Variants in EPS15L1 observed in about 807,000 individuals in gnomAD.
EPS15L1 encodes epidermal growth factor receptor substrate 15-like 1.
Under a neutral mutation model 117.1 loss-of-function variants are expected in EPS15L1, and 43 were observed. The ratio of observed to expected loss-of-function variants is 0.37; its 90% CI spans 0.29 to 0.47. EPS15L1 has a LOEUF of 0.47. Ranked by LOEUF, EPS15L1 falls within the 20% of genes least tolerant of loss-of-function variation. The pLI is 0.99. For missense variants in EPS15L1, 981 were observed against 1,164.0 expected, an observed-to-expected ratio of 0.84 and a Z score of 2.29; for synonymous variants, 459 against 470.5, an observed-to-expected ratio of 0.98 and a Z score of 0.32.
intron 7 of EPS15L1, 31 bp from the exon 8 acceptor site, chr19:16,428,792 TG>T: frequency 6.3e-7 from 1 of 1,581,976 alleles, no homozygotes; most frequent in Non-Finnish European, 8.6e-7. Context: ...TGGGTAACTG[TG>T]GGAGGAAGGA....
chr19:16,436,473 C>CA (rs1340419805), intron 6 of EPS15L1: 1 of 153,386 alleles, frequency 6.5e-6, no homozygotes, highest in Non-Finnish European at 1.4e-5. Flanking sequence ...TTTCACAAAG[C>CA]AATCAGAACA....
At chr19:16,378,271 C>T (rs778723988) in intron 21 of EPS15L1, among the ~76,000 whole-genome samples, 8 of 152,034 alleles carry the variant, frequency 5.3e-5, no homozygotes, top group African/African-American at 7.3e-5. Flanking sequence ...GGGACTTCAT[C>T]GCTGCCCCAG....
At chr19:16,387,741 G>A (rs750639855) in intron 19 of EPS15L1, among the ~76,000 whole-genome samples, 5 of 152,172 alleles carry the variant, frequency 3.3e-5, no homozygotes, top group Non-Finnish European at 4.4e-5. Flanking sequence ...ACTCCAGCCT[G>A]GGCGAAAGAG....
chr19:16,364,744 G>C lies in EPS15L1; in HGVS notation c.2381-2760C>G, dbSNP rs562083545. ...CTGCCCAGCCTCCTGTGAGCCCCAG[G>C]CTGTCCACTGGAGCAGAAGGGGCTC... On this transcript the variant is annotated intron_variant, in intron 22 of 23. Transcript: ENST00000455140. Among the ~76,000 whole-genome samples, 6 of 152,280 alleles carry C rather than the reference G, an allele frequency of 3.9e-5. No homozygotes were observed. The South Asian group carries it at 1.2e-3, about 32-fold the overall frequency.
chr19:16,377,370 A>C, intron 21 of EPS15L1, 116 bp from the exon 22 acceptor site: 1 of 1,169,582 alleles, frequency 8.6e-7, no homozygotes, highest in Non-Finnish European at 1.2e-6. Flanking sequence ...TACCCTCTGG[A>C]CTGCACAACA....
chr19:16,430,172 T>A (rs2092913749), intron 7 of EPS15L1, among the ~76,000 whole-genome samples: 1 of 152,184 alleles, frequency 6.6e-6, no homozygotes. Flanking sequence ...CAGGGGCACC[T>A]CTTCTAGAAA....
chr19:16,441,776 GCCACTA>G (rs915134568), intron 3 of EPS15L1, 110 bp downstream of exon 3: 14 of 744,674 alleles, frequency 1.9e-5, no homozygotes, highest in Admixed American at 1.0e-4. Context: ...CAGCGACCAG[GCCACTA>G]CCCAGGAGGC....
intron 16 of EPS15L1, among the ~76,000 whole-genome samples, chr19:16,395,942 CAAA>C (rs776880434): frequency 1.9e-5 from 1 of 53,410 alleles, no homozygotes; most frequent in Non-Finnish European, 3.8e-5. Context: ...GAGTCTATCT[CAAA>C]AAAAAAAAAA....
At chr19:16,369,220 A>G (rs2092186010) in intron 22 of EPS15L1, among the ~76,000 whole-genome samples, 1 of 151,908 alleles carries the variant, frequency 6.6e-6, no homozygotes, top group Non-Finnish European at 1.5e-5. Flanking sequence ...CCCCGCGCGC[A>G]CTCTGCCTTA....
At chr19:16,414,621 G>T (rs1051882030) in intron 12 of EPS15L1, among the ~76,000 whole-genome samples, 6 of 151,684 alleles carry the variant, frequency 4.0e-5, no homozygotes, top group Non-Finnish European at 7.4e-5. Flanking sequence ...GGATAGTCTT[G>T]ATCTCCTGAC....
At chr19:16,423,251 T>C (rs1392885419) in intron 9 of EPS15L1, among the ~76,000 whole-genome samples, 1 of 152,084 alleles carries the variant, frequency 6.6e-6, no homozygotes, top group African/African-American at 2.4e-5. Flanking sequence ...CAGCAAGGAC[T>C]TGATCAAACA....
chr19:16,404,624 G>A lies in EPS15L1; in HGVS notation c.1392C>T (p.Ser464=), dbSNP rs150833446. The A allele has an allele frequency of 2.0e-5, 33 of 1,614,112 alleles. No individual in the cohort carries two copies. Among genetic ancestry groups the A allele is most frequent in the African/African-American group, 4.0e-5 (3 of 75,032 alleles). The change falls in exon 14 of 24, where the codon AGC becomes AGT. Residue 464 remains serine (S), a synonymous_variant. Coordinates refer to ENST00000455140, the MANE Select transcript of EPS15L1 (RefSeq NM_001258374.3). The surrounding 1 kb of genome is among the most constrained non-coding windows in gnomAD (Gnocchi z 4.2). The part of the protein sequence containing the change: ...QQKAKLRDML[S]DVRQKCQDET... ...CATCCTGGCACTTCTGCCGGACGTC[G>A]CTCAGCATGTCTCGGAGCTTGGCCT...
intron 21 of EPS15L1, 120 bp from the exon 22 acceptor site, chr19:16,377,374 C>T (rs2092309697): frequency 9.0e-7 from 1 of 1,108,066 alleles, no homozygotes. Flanking sequence ...CTCTGGACTG[C>T]ACAACATGGC....
At chr19:16,420,918 C>T (rs1031830770) in intron 10 of EPS15L1, among the ~76,000 whole-genome samples, 3 of 151,816 alleles carry the variant, frequency 2.0e-5, no homozygotes, top group African/African-American at 7.3e-5. Flanking sequence ...CCTGCCCCCG[C>T]CCTCACCCTG....
chr19:16,437,051 G>A, intron 5 of EPS15L1, 52 bp from the exon 6 acceptor site: 1 of 1,528,004 alleles, frequency 6.5e-7, no homozygotes, highest in Non-Finnish European at 9.1e-7. Context: ...TTAAATCATA[G>A]GTGGGTGGGT....
chr19:16,413,071 C>A, intron 13 of EPS15L1: 1 of 702,546 alleles, frequency 1.4e-6, no homozygotes, highest in South Asian at 1.4e-5. Context: ...AGGTTCAAGG[C>A]GTTTGTTGCT....
Position 16,355,585 on chromosome 19 carries a change from C to G in EPS15L1, c.*120G>C. ...GCCGAGTCTGCTCACCCTGAACAAG[C>G]CCCCGAGTCCCGGTCCTTGGAGTAC... On this transcript the variant is annotated 3_prime_UTR_variant, in exon 24 of 24. Transcript: ENST00000455140. 1.6e-6 allele frequency: 2 copies of G among 1,285,626 alleles called. No individual in the cohort carries two copies. Among genetic ancestry groups the G allele is most frequent in the Non-Finnish European group, 2.1e-6 (2 of 951,840 alleles). The allele number at this position is 1,285,626 out of a possible 1,614,324, so 79.6% of individuals were successfully genotyped here. A position where few individuals can be genotyped will look rare whatever the true frequency, so the allele number is the denominator to read the frequency against.
intron 1 of EPS15L1, among the ~76,000 whole-genome samples, chr19:16,466,011 C>T (rs1159923394): frequency 7.5e-6 from 1 of 132,974 alleles, no homozygotes; most frequent in Non-Finnish European, 1.6e-5. Flanking sequence ...TTTTTTGAGA[C>T]AGAGTCTTGC....
intron 21 of EPS15L1, among the ~76,000 whole-genome samples, chr19:16,377,545 G>A (rs2092311705): frequency 6.6e-6 from 1 of 152,186 alleles, no homozygotes; most frequent in Admixed American, 6.5e-5. Flanking sequence ...CCAGTCACAC[G>A]AGGCACACTG....
Sources: allele counts gnomAD v4.1 joint callset (sites outside exome capture counted in the v4.1 genomes callset), GRCh38; gene constraint gnomAD v4.1.1; non-coding constraint Gnocchi (gnomAD v3.1); transcripts MANE v1.5; gene names NCBI Gene and HGNC (gene_info 2026-07-23, HGNC 2026-07-21).